Variants in RP1L1 observed in about 807,000 individuals in gnomAD.
RP1L1 encodes the protein RP1 like 1.
In RP1L1, 27 loss-of-function variants were observed where a neutral mutation model predicts 15.7. That is an observed-to-expected ratio of 1.72 (90% CI 1.27 to 2.38). The LOEUF (loss-of-function observed/expected upper bound fraction) is 2.38. Among genes scored for constraint, RP1L1 ranks in the 30% most tolerant of loss-of-function variants. RP1L1 has a pLI of 0.00. For missense variants in RP1L1, 4,798 were observed against 3,075.9 expected, an observed-to-expected ratio of 1.56 and a Z score of -13.24; for synonymous variants, 1,813 against 1,276.7, an observed-to-expected ratio of 1.42 and a Z score of -8.96.
At position 10,610,148 on chromosome 8, in the gene RP1L1, T is replaced by A; in HGVS notation, c.3950A>T (p.Glu1317Val). Residue 1317 changes from glutamate (E) to valine (V), a missense_variant, in exon 4 of 4, where the codon GAA (glutamate) becomes GTA (valine). Glu to Val is a moderately radical substitution (Grantham distance 121). Coordinates refer to ENST00000382483, the MANE Select transcript of RP1L1 (RefSeq NM_178857.6). The part of the protein sequence containing the change: ...KEGTEGEGLQ[E>V]EAVQLEETKT... ...AGTTTCCTCTAACTGCACCGCCTCT[T>A]CTTGCAGCCCTTCTCCTTCTGTTCC... is the stretch of plus-strand genomic sequence containing the variant. The A allele has an allele frequency of 6.2e-7, 1 of 1,612,470 alleles. No homozygotes were observed. The highest frequency in any genetic ancestry group is 2.2e-5 in the East Asian group (1 of 44,694).
Position 10,606,630 on chromosome 8 carries a change from C to T in RP1L1, c.*265G>A, listed in dbSNP as rs567494148. 1.9e-6 allele frequency: 1 copy of T among 522,302 alleles called. No homozygotes were observed. 32.4% of individuals were successfully genotyped at this position (522,302 alleles called of 1,614,324 possible). Reference sequence around the variant, plus strand: ...GGCTCTGCAGACAAATAAATAGGAGCCGGGCTGACCTCCGATAACCGGGCA... The same window carrying T: ...GGCTCTGCAGACAAATAAATAGGAGTCGGGCTGACCTCCGATAACCGGGCA... On this transcript the variant is annotated 3_prime_UTR_variant, in exon 4 of 4. Coordinates refer to ENST00000382483, the MANE Select transcript of RP1L1 (RefSeq NM_178857.6).
In RP1L1 at chr8:10,612,677, C is replaced by T; in HGVS notation, c.1421G>A (p.Arg474Lys). Residue 474 changes from arginine to lysine, a missense_variant, in exon 4 of 4, where the codon AGG (arginine) becomes AAG (lysine). Arg to Lys is a conservative substitution (Grantham distance 26). Transcript: ENST00000382483. ...ACTGTCCACCCCGTCCTCCGGGGTC[C>T]TGGGGCAGCAGGAGGACTCTGGCTC... ...GSEPESSCCP[R>K]TPEDGVDSAS... 1 of 1,602,522 alleles carries T rather than the reference C, an allele frequency of 6.2e-7. No homozygotes were observed. The highest frequency in any genetic ancestry group is 8.5e-7 in the Non-Finnish European group (1 of 1,178,144).
At position 10,607,094 on chromosome 8, in the gene RP1L1, T is replaced by A; in HGVS notation, c.7004A>T (p.His2335Leu). Residue 2335 changes from histidine (H) to leucine (L), a missense_variant, in exon 4 of 4, where the codon CAT (histidine) becomes CTT (leucine). Physicochemically the swap from His to Leu is moderately conservative, Grantham distance 99. Transcript: ENST00000382483. The part of the protein sequence containing the change: ...SPDAKSTGTP[H>L]AERKATRMYP... ...CATCCTGGTGGCCTTCCTCTCTGCA[T>A]GAGGGGTCCCCGTGGACTTGGCATC... 6.2e-7 allele frequency: 1 copy of A among 1,614,208 alleles called. No individual in the cohort carries two copies. The highest frequency in any genetic ancestry group is 8.5e-7 in the Non-Finnish European group (1 of 1,180,034).
intron 1 of RP1L1, among the ~76,000 whole-genome samples, chr8:10,641,974 G>A (rs753082095): frequency 6.6e-6 from 1 of 152,142 alleles, no homozygotes; most frequent in Non-Finnish European, 1.5e-5. Context: ...ATAAGAGGCA[G>A]CAGGAGGCAC....
At chr8:10,628,168 G>A (rs891467672) in intron 1 of RP1L1, among the ~76,000 whole-genome samples, 22 of 152,276 alleles carry the variant, frequency 1.4e-4, no homozygotes, top group African/African-American at 4.8e-4. Context: ...AATTGTCTGT[G>A]CTTCCCTTGT....
chr8:10,610,059 C>T lies in RP1L1; in HGVS notation c.4039G>A (p.Glu1347Lys), dbSNP rs763102096. 5 of 1,010,414 alleles carry T rather than the reference C, an allele frequency of 4.9e-6. No individual in the cohort carries two copies. Among genetic ancestry groups the T allele is most frequent in the Non-Finnish European group, 6.6e-6 (5 of 761,336 alleles). 62.6% of individuals were successfully genotyped at this position (1,010,414 alleles called of 1,614,324 possible). ...TGCGCCTCTTCTTCTTGCTGTCCTT[C>T]TCCTTCTGTTTCTTTAGTTTCCTCT... ...QLEETKETEG[E>K]GQQEEEAQLE... Residue 1347 changes from glutamate to lysine, a missense_variant, in exon 4 of 4, where the codon GAA becomes AAA. Physicochemically the swap from Glu to Lys is moderately conservative, Grantham distance 56. Transcript: ENST00000382483.
At chr8:10,616,795 C>T (rs527317374) in intron 2 of RP1L1, among the ~76,000 whole-genome samples, 1 of 152,192 alleles carries the variant, frequency 6.6e-6, no homozygotes, top group African/African-American at 2.4e-5. Context: ...CCACGATCTC[C>T]CGCTCTAGCT....
At chr8:10,624,811 C>A (rs995170377) in intron 1 of RP1L1, among the ~76,000 whole-genome samples, 2 of 152,152 alleles carry the variant, frequency 1.3e-5, no homozygotes, top group Non-Finnish European at 2.9e-5. Flanking sequence ...TTCCACGAGC[C>A]GACAATTCTC....
chr8:10,651,926 G>C (rs1798568856), intron 1 of RP1L1, among the ~76,000 whole-genome samples: 1 of 152,014 alleles, frequency 6.6e-6, no homozygotes, highest in African/African-American at 2.4e-5. Flanking sequence ...ATACAGGTGT[G>C]CCATTTAAAA....
intron 1 of RP1L1, among the ~76,000 whole-genome samples, chr8:10,638,117 C>T (rs772917759): frequency 2.0e-5 from 3 of 152,230 alleles, no homozygotes; most frequent in Non-Finnish European, 4.4e-5. Flanking sequence ...GCTTTGTTTA[C>T]ACTTTGTCAG....
rs565211288 is a variant in RP1L1, at chr8:10,649,649, C to G, written c.-20+5249G>C. ...ATTCCAGCACTTTGGGAGGCCAAGG[C>G]AGCTGGATCACTTGAGAGCAGGAGT... is the stretch of plus-strand genomic sequence containing the variant. On this transcript the variant is annotated intron_variant, in intron 1 of 3. Transcript: ENST00000382483. 4.8e-4 allele frequency among the ~76,000 whole-genome samples: 73 copies of G among 152,338 alleles called. 1 individual carries two copies. Among genetic ancestry groups the G allele is most frequent in the Admixed American group, 4.8e-3 (73 of 15,302 alleles).
chr8:10,624,512 C>T (rs1798126363), intron 1 of RP1L1, among the ~76,000 whole-genome samples: 1 of 152,198 alleles, frequency 6.6e-6, no homozygotes, highest in Admixed American at 6.5e-5. Context: ...CTAAAAACAA[C>T]TTAGGGATTA....
At chr8:10,636,237 T>A (rs1007697337) in intron 1 of RP1L1, among the ~76,000 whole-genome samples, 3 of 152,168 alleles carry the variant, frequency 2.0e-5, no homozygotes, top group Admixed American at 2.0e-4. Flanking sequence ...ATATCTTGGC[T>A]TTAAAGAAGG....
intron 1 of RP1L1, among the ~76,000 whole-genome samples, chr8:10,626,600 T>C (rs1380781488): frequency 6.6e-6 from 1 of 152,138 alleles, no homozygotes; most frequent in Non-Finnish European, 1.5e-5. Context: ...ATAAGAGCAC[T>C]GGTATTTTAC....
intron 3 of RP1L1, among the ~76,000 whole-genome samples, chr8:10,613,816 A>G (rs2117208710): frequency 6.6e-6 from 1 of 152,050 alleles, no homozygotes; most frequent in East Asian, 1.9e-4. Flanking sequence ...AAAGCATGAT[A>G]AGGGCAGAGC....
intron 1 of RP1L1, among the ~76,000 whole-genome samples, chr8:10,640,815 A>T (rs1422317490): frequency 6.6e-6 from 1 of 152,124 alleles, no homozygotes; most frequent in Non-Finnish European, 1.5e-5. Flanking sequence ...CTGTCGCCCA[A>T]GCTGGAGTAC....
chr8:10,636,883 G>A (rs1373440894), intron 1 of RP1L1, among the ~76,000 whole-genome samples: 1 of 152,212 alleles, frequency 6.6e-6, no homozygotes, highest in Non-Finnish European at 1.5e-5. Flanking sequence ...GGATGGAACT[G>A]GAGTGACAAG....
In RP1L1 at chr8:10,610,355, C is replaced by T. The variant is rs370381949; in HGVS notation, c.3743G>A (p.Gly1248Glu). 52 of 1,614,032 alleles carry T rather than the reference C, an allele frequency of 3.2e-5. No homozygotes were observed. Among genetic ancestry groups the T allele is most frequent in the Non-Finnish European group, 4.4e-5 (52 of 1,180,048 alleles). The change falls in exon 4 of 4, where the codon GGG (glycine) becomes GAG (glutamate). Residue 1248 changes from glycine to glutamate, a missense_variant. Physicochemically the swap from Gly to Glu is moderately conservative, Grantham distance 98 (BLOSUM62 -2). Coordinates refer to ENST00000382483, the MANE Select transcript of RP1L1 (RefSeq NM_178857.6). Reference protein sequence around the residue: ...RPDSRTYESPGDLENQQQCCF... With the variant: ...RPDSRTYESPEDLENQQQCCF... ...ACACTGCTGTTGGTTTTCCAGATCC[C>T]CTGGGCTCTCATAAGTTCTTGAATC...
Position 10,611,060 on chromosome 8 carries a change from G to A in RP1L1, c.3038C>T (p.Ser1013Phe), listed in dbSNP as rs1190115004. ...GTCCTGGCCGGGGTCCCCTTCCAGG[G>A]ACTGCTGTCCCGCCTGAGCTGGCTC... ...LGEPAQAGQQSLEGDPGQDPE... is the reference protein window; with the variant it reads ...LGEPAQAGQQFLEGDPGQDPE... Residue 1013 changes from serine (S) to phenylalanine (F), a missense_variant, in exon 4 of 4, where the codon TCC becomes TTC. Ser to Phe is a radical substitution (Grantham distance 155). Transcript: ENST00000382483. The A allele has an allele frequency of 1.9e-6, 3 of 1,612,670 alleles. No homozygotes were observed. The highest frequency in any genetic ancestry group is 2.5e-6 in the Non-Finnish European group (3 of 1,180,012).
Sources: allele counts gnomAD v4.1 joint callset (sites outside exome capture counted in the v4.1 genomes callset), GRCh38; gene constraint gnomAD v4.1.1; transcripts MANE v1.5; gene names NCBI Gene and HGNC (gene_info 2026-07-23, HGNC 2026-07-21).